LHFPL6: variants seen among roughly 807,000 people sequenced by gnomAD.
LHFPL6 encodes the protein LHFPL tetraspan subfamily member 6.
In LHFPL6, 9 loss-of-function variants were observed where a neutral mutation model predicts 20.6. That is an observed-to-expected ratio of 0.44 (90% CI 0.26 to 0.76). The LOEUF (loss-of-function observed/expected upper bound fraction) is 0.76, where lower values mean the gene tolerates loss of function less well. LHFPL6 is among the 30% of genes least tolerant of loss of function. LHFPL6 has a pLI of 0.20. For missense variants in LHFPL6, 218 were observed against 253.5 expected, an observed-to-expected ratio of 0.86 and a Z score of 0.95; for synonymous variants, 105 against 98.7, an observed-to-expected ratio of 1.06 and a Z score of -0.38.
At chr13:39,366,755 G>A (rs1027236705) in intron 3 of LHFPL6, among the ~76,000 whole-genome samples, 1 of 152,138 alleles carries the variant, frequency 6.6e-6, no homozygotes, top group Non-Finnish European at 1.5e-5. Context: ...TCCTCACAGG[G>A]GCTGATGTGA....
chr13:39,346,959 G>A (rs148607658), intron 3 of LHFPL6, among the ~76,000 whole-genome samples: 2 of 151,816 alleles, frequency 1.3e-5, no homozygotes, highest in African/African-American at 2.4e-5. Context: ...CAAGCACACA[G>A]AGCAAATTAG....
Position 39,602,506 on chromosome 13 carries a change from G to A in LHFPL6, c.-175+377C>T, listed in dbSNP as rs538412873. On this transcript the variant is annotated intron_variant, in intron 1 of 3. Transcript: ENST00000379589. ...AGGCTGGGGAAGACCAGCAGGGGGTGGCCTGCGGGCAGGGGGCCCCCATCT... is the reference window on the plus strand; with the variant it reads ...AGGCTGGGGAAGACCAGCAGGGGGTAGCCTGCGGGCAGGGGGCCCCCATCT... 3.3e-5 allele frequency among the ~76,000 whole-genome samples: 5 copies of A among 152,314 alleles called. No individual in the cohort carries two copies. The East Asian group carries it at 9.7e-4, about 29-fold the overall frequency.
At chr13:39,462,117 A>G (rs946245217) in intron 2 of LHFPL6, among the ~76,000 whole-genome samples, 1 of 152,004 alleles carries the variant, frequency 6.6e-6, no homozygotes, top group Non-Finnish European at 1.5e-5. Context: ...CTGAACTACA[A>G]ATTTTCTAAC....
intron 2 of LHFPL6, among the ~76,000 whole-genome samples, chr13:39,385,143 A>G (rs1870533397): frequency 6.6e-6 from 1 of 152,264 alleles, no homozygotes; most frequent in African/African-American, 2.4e-5. Flanking sequence ...AGCAATCTAG[A>G]GGCAAAAGGC....
At chr13:39,454,216 C>A (rs1228630726) in intron 2 of LHFPL6, among the ~76,000 whole-genome samples, 1 of 152,092 alleles carries the variant, frequency 6.6e-6, no homozygotes, top group Non-Finnish European at 1.5e-5. Context: ...GGTTAATAAT[C>A]CAGAAAAATG....
At chr13:39,354,179 C>A (rs1355173450) in intron 3 of LHFPL6, among the ~76,000 whole-genome samples, 1 of 152,128 alleles carries the variant, frequency 6.6e-6, no homozygotes, top group Non-Finnish European at 1.5e-5. Context: ...TATGCACCGT[C>A]CACTGGATTG....
intron 2 of LHFPL6, among the ~76,000 whole-genome samples, chr13:39,413,365 T>C (rs1009189527): frequency 6.0e-5 from 9 of 150,840 alleles, no homozygotes; most frequent in African/African-American, 1.9e-4. Flanking sequence ...ATCTTTAAAG[T>C]AGGAAAATAA....
At chr13:39,358,531 AC>A (rs908573820) in intron 3 of LHFPL6, among the ~76,000 whole-genome samples, 17 of 152,184 alleles carry the variant, frequency 1.1e-4, no homozygotes, top group Non-Finnish European at 1.8e-4. Flanking sequence ...ATTAAAAAAA[AC>A]AACATGTGGG....
At chr13:39,351,526 C>T (rs562331241) in intron 3 of LHFPL6, among the ~76,000 whole-genome samples, 15 of 151,522 alleles carry the variant, frequency 9.9e-5, no homozygotes, top group East Asian at 9.7e-4. Flanking sequence ...CTTATATGCC[C>T]GAGAAAAAAA....
rs1039341335 is a variant in LHFPL6 at position 39,432,682 on chromosome 13, C to A, written c.386-54156G>T. Among the ~76,000 whole-genome samples, 9 of 152,294 alleles carry A rather than the reference C, an allele frequency of 5.9e-5. No homozygotes were observed. The South Asian group carries it at 8.3e-4, about 14-fold the overall frequency. On this transcript the variant is annotated intron_variant, in intron 2 of 3. Coordinates refer to ENST00000379589, the MANE Select transcript of LHFPL6 (RefSeq NM_005780.3). ...TTTGCACTTAGTATCTTTCAATGTGCTTTATGATTTACTTAAAAAAAATTG... is the reference window on the plus strand; with the variant it reads ...TTTGCACTTAGTATCTTTCAATGTGATTTATGATTTACTTAAAAAAAATTG...
At chr13:39,385,492 G>A (rs111715021) in intron 2 of LHFPL6, among the ~76,000 whole-genome samples, 1 of 152,254 alleles carries the variant, frequency 6.6e-6, no homozygotes. Context: ...ATGGGCCCTT[G>A]GGCCCAAACG....
intron 2 of LHFPL6, among the ~76,000 whole-genome samples, chr13:39,573,974 T>A (rs1043477275): frequency 6.6e-6 from 1 of 152,146 alleles, no homozygotes; most frequent in Non-Finnish European, 1.5e-5. Context: ...AAATGAAGTA[T>A]CTCCCAACAG....
At chr13:39,450,004 G>C (rs1189243826) in intron 2 of LHFPL6, among the ~76,000 whole-genome samples, 2 of 152,136 alleles carry the variant, frequency 1.3e-5, no homozygotes, top group Admixed American at 1.3e-4. Flanking sequence ...AATTAGCCAA[G>C]TCACAAAAGT....
At chr13:39,499,352 G>A (rs921568857) in intron 2 of LHFPL6, among the ~76,000 whole-genome samples, 4 of 152,170 alleles carry the variant, frequency 2.6e-5, no homozygotes, top group African/African-American at 9.7e-5. Flanking sequence ...TCCAAGCCAG[G>A]CCTTCATTAC....
At chr13:39,551,631 A>C (rs868049997) in intron 2 of LHFPL6, among the ~76,000 whole-genome samples, 1 of 152,320 alleles carries the variant, frequency 6.6e-6, no homozygotes, top group Middle Eastern at 3.4e-3. Flanking sequence ...CTCTACAAAA[A>C]GTCCAGCTGA....
intron 2 of LHFPL6, among the ~76,000 whole-genome samples, chr13:39,411,682 G>A (rs1871243735): frequency 6.6e-6 from 1 of 152,204 alleles, no homozygotes; most frequent in Non-Finnish European, 1.5e-5. Context: ...TGATTGCTAT[G>A]ACATATCTGT....
At position 39,569,153 on chromosome 13, in the gene LHFPL6, G is replaced by GGACGGACGGACA. The variant is rs1374712128; in HGVS notation, c.385+31678_385+31679insTGTCCGTCCGTC. On this transcript the variant is annotated intron_variant, in intron 2 of 3. Transcript: ENST00000379589. ...CGGATGGATGGATGGATGGATGGAC[G>GGACGGACGGACA]GACGGATGGATGGATGGATGGATGG... 1.5e-4 allele frequency among the ~76,000 whole-genome samples: 10 copies of GGACGGACGGACA among 65,928 alleles called. No homozygotes were observed. The Admixed American group carries it at 1.7e-3, about 11-fold the overall frequency. 43.3% of individuals were successfully genotyped at this position (65,928 alleles called of 152,430 possible). A position where few individuals can be genotyped will look rare whatever the true frequency, so the allele number is the denominator to read the frequency against.
chr13:39,469,390 C>CCCTGGTT (rs1872888453), intron 2 of LHFPL6, among the ~76,000 whole-genome samples: 1 of 152,180 alleles, frequency 6.6e-6, no homozygotes, highest in Non-Finnish European at 1.5e-5. Context: ...GTTCAAATAG[C>CCCTGGTT]CCTGGTTCCT....
intron 2 of LHFPL6, among the ~76,000 whole-genome samples, chr13:39,380,173 A>T (rs1330311847): frequency 6.6e-6 from 1 of 152,240 alleles, no homozygotes; most frequent in Non-Finnish European, 1.5e-5. Flanking sequence ...TTAATAAACA[A>T]TGAGGTATCA....
Sources: allele counts gnomAD v4.1 joint callset (sites outside exome capture counted in the v4.1 genomes callset), GRCh38; gene constraint gnomAD v4.1.1; transcripts MANE v1.5; gene names NCBI Gene and HGNC (gene_info 2026-07-23, HGNC 2026-07-21).